The following MIPEP variants were observed in gnomAD, a reference collection of about 807,000 sequenced individuals.
MIPEP encodes mitochondrial intermediate peptidase.
In MIPEP, 79 loss-of-function variants were observed where a neutral mutation model predicts 90.3. The ratio of observed to expected loss-of-function variants is 0.87; its 90% CI spans 0.73 to 1.05. The LOEUF is 1.05. Ranked by LOEUF, MIPEP falls within the 50% of genes least tolerant of loss-of-function variation. MIPEP has a pLI of 0.00. For synonymous variants in MIPEP, 334 were observed against 315.8 expected (o/e 1.06, Z -0.61); for missense variants, 940 against 905.6 (o/e 1.04, Z -0.49).
chr13:23,845,805 T>C (rs1168945626), intron 10 of MIPEP, among the ~76,000 whole-genome samples: 3 of 152,230 alleles, frequency 2.0e-5, no homozygotes, highest in African/African-American at 7.2e-5. Flanking sequence ...ATGCTTCCTT[T>C]ATTTTCCTTC....
At chr13:23,854,439 A>G (rs574472523) in intron 10 of MIPEP, among the ~76,000 whole-genome samples, 99 of 151,268 alleles carry the variant, frequency 6.5e-4, no homozygotes, top group South Asian at 5.8e-3. Context: ...TCTCACATCA[A>G]AAAAAAAGTC....
chr13:23,838,100 G>A (rs1405823635), intron 12 of MIPEP, among the ~76,000 whole-genome samples: 2 of 152,166 alleles, frequency 1.3e-5, no homozygotes, highest in Admixed American at 6.5e-5. Context: ...TCCCTACTAT[G>A]TGTCAGATAA....
chr13:23,785,777 T>C (rs1952833555), intron 16 of MIPEP, among the ~76,000 whole-genome samples: 1 of 151,946 alleles, frequency 6.6e-6, no homozygotes, highest in South Asian at 2.1e-4. Context: ...CCATCAACAA[T>C]CAATTAAAAA....
rs186126752 is a variant in MIPEP, at chr13:23,756,731, T to C, written c.1971-113A>G. 90 of 953,120 alleles carry C rather than the reference T, an allele frequency of 9.4e-5. No individual in the cohort carries two copies. The Admixed American group carries it at 1.2e-3, about 13-fold the overall frequency. The allele number at this position is 953,120 out of a possible 1,614,324, so 59.0% of individuals were successfully genotyped here. A position where few individuals can be genotyped will look rare whatever the true frequency, so the allele number is the denominator to read the frequency against. ...GCCATATTCATAAAAGCTGCCACCATGTGACAATTTGGCCCCTATTTTCTT... is the reference window on the plus strand; with the variant it reads ...GCCATATTCATAAAAGCTGCCACCACGTGACAATTTGGCCCCTATTTTCTT... On this transcript the variant is annotated intron_variant, in intron 17 of 18. Coordinates refer to ENST00000382172, the MANE Select transcript of MIPEP (RefSeq NM_005932.4).
intron 18 of MIPEP, among the ~76,000 whole-genome samples, chr13:23,744,149 C>A (rs1952360379): frequency 6.6e-6 from 1 of 152,168 alleles, no homozygotes; most frequent in South Asian, 2.1e-4. Flanking sequence ...TGCGTTCATG[C>A]CTTTACATTC....
intron 15 of MIPEP, among the ~76,000 whole-genome samples, chr13:23,806,407 G>A (rs1450155059): frequency 6.6e-6 from 1 of 152,204 alleles, no homozygotes; most frequent in Non-Finnish European, 1.5e-5. Flanking sequence ...GCCAGGCGCG[G>A]TGGCTCACGC....
intron 14 of MIPEP, among the ~76,000 whole-genome samples, chr13:23,811,068 A>G (rs750617646): frequency 7.9e-5 from 12 of 152,200 alleles, no homozygotes; most frequent in Non-Finnish European, 1.5e-4. Flanking sequence ...CTCATCTTGT[A>G]TGAAAGAAAT....
intron 14 of MIPEP, among the ~76,000 whole-genome samples, chr13:23,812,211 G>A (rs1347344766): frequency 6.6e-6 from 1 of 152,120 alleles, no homozygotes; most frequent in African/African-American, 2.4e-5. Flanking sequence ...GGAAGAAAAG[G>A]CCCGTAGGGG....
intron 10 of MIPEP, among the ~76,000 whole-genome samples, chr13:23,854,981 A>T (rs1267749399): frequency 6.6e-6 from 1 of 152,200 alleles, no homozygotes; most frequent in Non-Finnish European, 1.5e-5. Context: ...CTCACAGAAA[A>T]GAAATAGTGT....
chr13:23,827,555 C>T (rs1868524560), intron 14 of MIPEP, among the ~76,000 whole-genome samples: 1 of 152,166 alleles, frequency 6.6e-6, no homozygotes, highest in South Asian at 2.1e-4. Flanking sequence ...AAAAGAAACA[C>T]TCACCAACTC....
intron 15 of MIPEP, among the ~76,000 whole-genome samples, chr13:23,808,827 T>G (rs1437236965): frequency 6.6e-6 from 1 of 152,258 alleles, no homozygotes; most frequent in Non-Finnish European, 1.5e-5. Context: ...CACTGAAACA[T>G]GTATTTCATG....
intron 14 of MIPEP, among the ~76,000 whole-genome samples, chr13:23,824,809 T>C (rs1467452227): frequency 6.6e-6 from 1 of 152,220 alleles, no homozygotes; most frequent in Admixed American, 6.5e-5. Flanking sequence ...TAGTGTTTTC[T>C]AACAAACTAA....
chr13:23,861,382 T>C (rs1294965396), intron 9 of MIPEP, among the ~76,000 whole-genome samples: 2 of 152,236 alleles, frequency 1.3e-5, no homozygotes, highest in Non-Finnish European at 2.9e-5. Flanking sequence ...CAAATAAGCC[T>C]ACCTACCAGG....
chr13:23,763,120 G>T (rs1284319338), intron 16 of MIPEP, among the ~76,000 whole-genome samples: 1 of 152,154 alleles, frequency 6.6e-6, no homozygotes, highest in Non-Finnish European at 1.5e-5. Context: ...AAGGCTTTTA[G>T]AATTCGTTTA....
intron 16 of MIPEP, among the ~76,000 whole-genome samples, chr13:23,764,755 G>A (rs1321675041): frequency 2.6e-5 from 4 of 152,202 alleles, no homozygotes; most frequent in South Asian, 4.2e-4. Flanking sequence ...AGAGATGAGG[G>A]TCTCTCTCTG....
chr13:23,760,180 C>A lies in MIPEP; in HGVS notation c.1886G>T (p.Gly629Val). 3 of 1,614,084 alleles carry A rather than the reference C, an allele frequency of 1.9e-6. No individual in the cohort carries two copies. Among genetic ancestry groups the A allele is most frequent in the Non-Finnish European group, 2.5e-6 (3 of 1,180,012 alleles). The change falls in exon 17 of 19, where the codon GGT (glycine) becomes GTT (valine). Residue 629 changes from glycine (G) to valine (V), a missense_variant. Coordinates refer to ENST00000382172, the MANE Select transcript of MIPEP (RefSeq NM_005932.4). ...CATGAGGTAAGAGTAATATCTAGCACCATACCCCACGAGGTGGCTGAATCG... is the reference window on the plus strand; with the variant it reads ...CATGAGGTAAGAGTAATATCTAGCAACATACCCCACGAGGTGGCTGAATCG... ...QLRFSHLVGY[G>V]ARYYSYLMSR...
At chr13:23,802,722 C>T (rs947313284) in intron 16 of MIPEP, among the ~76,000 whole-genome samples, 3 of 150,658 alleles carry the variant, frequency 2.0e-5, no homozygotes, top group Non-Finnish European at 4.4e-5. Context: ...TTCAACTCCA[C>T]AGTGGTGTGA....
intron 16 of MIPEP, among the ~76,000 whole-genome samples, chr13:23,797,649 T>C (rs947897436): frequency 6.6e-6 from 1 of 152,194 alleles, no homozygotes; most frequent in East Asian, 1.9e-4. Flanking sequence ...AGCTTGCTGA[T>C]GCACAACAAA....
At chr13:23,822,972 G>A (rs562013600) in intron 14 of MIPEP, among the ~76,000 whole-genome samples, 28 of 151,526 alleles carry the variant, frequency 1.8e-4, no homozygotes, top group Admixed American at 9.2e-4. Flanking sequence ...TGCAACCTCC[G>A]CTGGGCGCTT....
Sources: gnomAD v4.1 joint callset for allele counts (sites outside exome capture counted in the v4.1 genomes callset) on GRCh38, gnomAD v4.1.1 for gene constraint, MANE v1.5 for transcripts, NCBI Gene and HGNC (gene_info 2026-07-23, HGNC 2026-07-21) for gene names.